NPAS3: variants seen among roughly 807,000 people sequenced by gnomAD.
The protein encoded by NPAS3 is neuronal PAS domain protein 3, also known as neuronal PAS domain-containing protein 3.
In NPAS3, 14 loss-of-function variants were observed where a neutral mutation model predicts 73.1. The ratio of observed to expected loss-of-function variants is 0.19; its 90% CI spans 0.13 to 0.30. NPAS3 has a LOEUF of 0.30. NPAS3 is among the 10% of genes least tolerant of loss of function. NPAS3 has a pLI of 1.00. For missense variants in NPAS3, 1,096 were observed against 1,250.0 expected (o/e 0.88, Z 1.86); for synonymous variants, 620 against 541.5 (o/e 1.14, Z -2.01).
chr14:33,599,026 A>C (rs2057325432), intron 5 of NPAS3, among the ~76,000 whole-genome samples: 1 of 152,226 alleles, frequency 6.6e-6, no homozygotes, highest in Non-Finnish European at 1.5e-5. Flanking sequence ...CCAACAGAAG[A>C]GAGTGCATTT....
At chr14:33,766,211 T>C (rs1313203916) in intron 7 of NPAS3, among the ~76,000 whole-genome samples, 1 of 152,210 alleles carries the variant, frequency 6.6e-6, no homozygotes, top group East Asian at 1.9e-4. Flanking sequence ...TTCAGGACTT[T>C]AGTATGTCAA....
downstream of NPAS3, chr14:33,801,157 C>A (rs1338917728): frequency 6.5e-7 from 1 of 1,535,878 alleles, no homozygotes; most frequent in East Asian, 2.4e-5. Flanking sequence ...GAGGAGGCAT[C>A]GTCGGCATTT....
At chr14:33,408,267 G>A (rs970205069) in intron 4 of NPAS3, among the ~76,000 whole-genome samples, 12 of 152,040 alleles carry the variant, frequency 7.9e-5, no homozygotes, top group Non-Finnish European at 1.2e-4. Flanking sequence ...TTTACCTGCC[G>A]AAGTTGGGTC....
chr14:33,371,905 T>C (rs2046106309), intron 4 of NPAS3, among the ~76,000 whole-genome samples: 1 of 152,162 alleles, frequency 6.6e-6, no homozygotes, highest in Non-Finnish European at 1.5e-5. Flanking sequence ...ATCTTAAAAT[T>C]GAGTCAACTA....
chr14:32,975,608 T>A (rs2037632607), intron 1 of NPAS3, among the ~76,000 whole-genome samples: 1 of 152,216 alleles, frequency 6.6e-6, no homozygotes, highest in African/African-American at 2.4e-5. Flanking sequence ...CTTTAAATCA[T>A]TAGACCAGTG....
chr14:33,518,442 C>T (rs1054644424), intron 4 of NPAS3, among the ~76,000 whole-genome samples: 16 of 152,146 alleles, frequency 1.1e-4, no homozygotes, highest in African/African-American at 3.1e-4. Flanking sequence ...CTGACTTACC[C>T]TCATTGTTCC....
intron 1 of NPAS3, among the ~76,000 whole-genome samples, chr14:33,000,950 G>A (rs140515653): frequency 5.9e-5 from 9 of 152,320 alleles, no homozygotes; most frequent in African/African-American, 2.2e-4. Flanking sequence ...TGACAATAAC[G>A]TTAGCTGGAA....
At chr14:33,141,746 A>C (rs1192465820) in intron 2 of NPAS3, among the ~76,000 whole-genome samples, 1 of 152,168 alleles carries the variant, frequency 6.6e-6, no homozygotes. Context: ...CTTTGCGTAC[A>C]TTTTGTATGA....
chr14:33,262,263 G>C (rs1345094687), intron 3 of NPAS3, among the ~76,000 whole-genome samples: 1 of 152,162 alleles, frequency 6.6e-6, no homozygotes, highest in Non-Finnish European at 1.5e-5. Flanking sequence ...ATTTTGTGTT[G>C]ATTGTCTCAT....
chr14:33,055,962 T>C (rs752794265), exon 2 of NPAS3: 1 of 810,360 alleles, frequency 1.2e-6, no homozygotes, highest in South Asian at 1.4e-5. Context: ...TCTACAGATA[T>C]GACGGAATCT....
chr14:33,296,708 G>C (rs976948090), intron 3 of NPAS3, among the ~76,000 whole-genome samples: 1 of 152,144 alleles, frequency 6.6e-6, no homozygotes, highest in Non-Finnish European at 1.5e-5. Context: ...AAAGTTTTTC[G>C]ACTCCATTTT....
chr14:33,230,494 C>T (rs1301770907), intron 3 of NPAS3, among the ~76,000 whole-genome samples: 1 of 152,126 alleles, frequency 6.6e-6, no homozygotes, highest in Non-Finnish European at 1.5e-5. Flanking sequence ...TGATAGAATC[C>T]TCATCTTTTA....
intron 2 of NPAS3, among the ~76,000 whole-genome samples, chr14:33,158,157 A>G (rs1374261246): frequency 6.6e-6 from 1 of 152,240 alleles, no homozygotes; most frequent in Non-Finnish European, 1.5e-5. Context: ...GTAGTCCGTT[A>G]GAAAGCACCA....
At chr14:33,483,767 GA>G (rs1267843616) in intron 4 of NPAS3, among the ~76,000 whole-genome samples, 6 of 152,064 alleles carry the variant, frequency 3.9e-5, no homozygotes, top group African/African-American at 1.4e-4. Context: ...CACCTCCCTC[GA>G]ACAGCTTTCC....
At chr14:33,701,583 A>T (rs2060524051) in intron 6 of NPAS3, among the ~76,000 whole-genome samples, 1 of 151,948 alleles carries the variant, frequency 6.6e-6, no homozygotes, top group African/African-American at 2.4e-5. Flanking sequence ...ATTTGTTTTA[A>T]TTTTTTCTAG....
At chr14:33,775,568 TGAACA>T (rs777460961) in intron 8 of NPAS3, among the ~76,000 whole-genome samples, 3 of 152,172 alleles carry the variant, frequency 2.0e-5, no homozygotes, top group African/African-American at 7.2e-5. Flanking sequence ...CTATCATTTC[TGAACA>T]GGACCTGATT....
intron 2 of NPAS3, among the ~76,000 whole-genome samples, chr14:33,063,273 T>A (rs962071947): frequency 6.0e-4 from 91 of 152,286 alleles, no homozygotes; most frequent in African/African-American, 2.1e-3. Context: ...AACATACATT[T>A]AAAAAAATCC....
intron 4 of NPAS3, among the ~76,000 whole-genome samples, chr14:33,539,039 T>C (rs149591907): frequency 6.6e-6 from 1 of 152,276 alleles, no homozygotes; most frequent in Admixed American, 6.5e-5. Flanking sequence ...ACTCTTATTC[T>C]TTGTGTATCC....
At chr14:33,236,001 A>G (rs113351478) in intron 3 of NPAS3, among the ~76,000 whole-genome samples, 13,635 of 151,744 alleles carry the variant, frequency 0.09, 855 homozygotes, top group Non-Finnish European at 0.13. Context: ...AATGTTGCCC[A>G]GGCTGGTCAC....
Sources: gnomAD v4.1 joint callset for allele counts (sites outside exome capture counted in the v4.1 genomes callset) on GRCh38, gnomAD v4.1.1 for gene constraint, MANE v1.5 for transcripts, NCBI Gene and HGNC (gene_info 2026-07-23, HGNC 2026-07-21) for gene names.